VPS13B: variants seen among roughly 807,000 people sequenced by gnomAD.
VPS13B encodes intermembrane lipid transfer protein VPS13B.
In VPS13B, 285 loss-of-function variants were observed where a neutral mutation model predicts 426.4. The ratio of observed to expected loss-of-function variants is 0.67; its 90% confidence interval spans 0.61 to 0.74. VPS13B has a LOEUF of 0.74. VPS13B is among the 30% of genes least tolerant of loss of function. The pLI is 0.00. For missense variants in VPS13B, 4,537 were observed against 4,782.6 expected (o/e 0.95, Z 1.51); for synonymous variants, 1,676 against 1,676.4 (o/e 1.00, Z 0.01).
At chr8:99,308,706 G>T (rs1348264006) in intron 19 of VPS13B, among the ~76,000 whole-genome samples, 1 of 152,120 alleles carries the variant, frequency 6.6e-6, no homozygotes, top group Non-Finnish European at 1.5e-5. Flanking sequence ...GTAATGGGAT[G>T]GCTGGGTCAA....
In VPS13B at chr8:99,142,965, T is replaced by A. The variant is rs375615155; in HGVS notation, c.1652-9T>A. On this transcript the variant is annotated splice_polypyrimidine_tract_variant and intron_variant, in intron 12 of 61. Transcript: ENST00000357162. ...TGATGCTTAAAATATAAAATTTGAC[T>A]TCTTTTAGGTTCCACAAATCAACAA... The A allele has an allele frequency of 7.5e-6, 12 of 1,610,212 alleles. No individual in the cohort carries two copies. The highest frequency in any genetic ancestry group is 1.7e-4 in the Middle Eastern group (1 of 6,044).
At chr8:99,425,777 T>C (rs1035125844) in intron 21 of VPS13B, among the ~76,000 whole-genome samples, 1 of 152,174 alleles carries the variant, frequency 6.6e-6, no homozygotes, top group Non-Finnish European at 1.5e-5. Context: ...TGTTTGCAGA[T>C]GACATGATTG....
At chr8:99,359,367 G>A (rs1446941156) in intron 19 of VPS13B, among the ~76,000 whole-genome samples, 1 of 151,730 alleles carries the variant, frequency 6.6e-6, no homozygotes, top group South Asian at 2.1e-4. Flanking sequence ...TTCTAATTTG[G>A]CTTGAAAGCA....
rs184278386 is a variant in VPS13B, at chr8:99,519,234, A to G, written c.4634-1665A>G. Among the ~76,000 whole-genome samples, 50 of 152,260 alleles carry G rather than the reference A, an allele frequency of 3.3e-4. No homozygotes were observed. The South Asian group carries it at 6.6e-3, about 20-fold the overall frequency. On this transcript the variant is annotated intron_variant, in intron 29 of 61. Coordinates refer to ENST00000357162, the MANE Select transcript of VPS13B (RefSeq NM_152564.5). ...CATCACTGGCCATCAGAGAAATGCA[A>G]ATCAAAACTGCAATGAGATACCATC...
At chr8:99,102,803 C>A in intron 4 of VPS13B, 150 bp from the exon 5 acceptor site, 3 of 765,216 alleles carry the variant, frequency 3.9e-6, no homozygotes, top group Non-Finnish European at 4.2e-6. Context: ...CTTTGGCAAG[C>A]CTTTTAACCT....
At chr8:99,297,501 A>G (rs1198977562) in intron 19 of VPS13B, among the ~76,000 whole-genome samples, 1 of 150,706 alleles carries the variant, frequency 6.6e-6, no homozygotes, top group Non-Finnish European at 1.5e-5. Flanking sequence ...ATAAGACATC[A>G]TTACTTCATA....
chr8:99,324,610 A>G (rs1810144318), intron 19 of VPS13B, among the ~76,000 whole-genome samples: 1 of 152,218 alleles, frequency 6.6e-6, no homozygotes, highest in Admixed American at 6.5e-5. Flanking sequence ...GAAAAAAAGA[A>G]AAAATGTCCT....
At chr8:99,089,539 G>C (rs1006759544) in intron 3 of VPS13B, among the ~76,000 whole-genome samples, 1 of 152,066 alleles carries the variant, frequency 6.6e-6, no homozygotes, top group African/African-American at 2.4e-5. Context: ...AGGAGGAAGG[G>C]GCTTCCAAGT....
intron 17 of VPS13B, among the ~76,000 whole-genome samples, chr8:99,230,956 C>T (rs995126710): frequency 2.6e-5 from 4 of 152,188 alleles, no homozygotes; most frequent in Admixed American, 2.0e-4. Flanking sequence ...AAATGCTTAC[C>T]ATTATATCTA....
chr8:99,875,175 A>G, intron 61 of VPS13B: 1 of 564,864 alleles, frequency 1.8e-6, no homozygotes, highest in Non-Finnish European at 3.2e-6. Flanking sequence ...ATTTTATGCA[A>G]CACCAAATGC....
At chr8:99,527,775 A>G (rs975802447) in intron 30 of VPS13B, 5 of 152,170 alleles carry the variant, frequency 3.3e-5, no homozygotes, top group African/African-American at 1.2e-4. Context: ...AAACGAGATG[A>G]AAATATTTAA....
intron 3 of VPS13B, among the ~76,000 whole-genome samples, chr8:99,056,158 G>A (rs767473196): frequency 3.3e-5 from 5 of 151,972 alleles, no homozygotes; most frequent in Non-Finnish European, 5.9e-5. Flanking sequence ...CCAGGCTTAA[G>A]TGATCCTCCC....
chr8:99,172,123 C>A (rs546382306), intron 16 of VPS13B, among the ~76,000 whole-genome samples: 1 of 152,044 alleles, frequency 6.6e-6, no homozygotes, highest in Non-Finnish European at 1.5e-5. Flanking sequence ...ATAGTTAAAC[C>A]AGTTAATCAA....
chr8:99,404,426 G>A (rs1216286873), intron 21 of VPS13B, among the ~76,000 whole-genome samples: 1 of 152,160 alleles, frequency 6.6e-6, no homozygotes, highest in Non-Finnish European at 1.5e-5. Context: ...GGCTCAGCAT[G>A]AGATGCAATT....
intron 3 of VPS13B, among the ~76,000 whole-genome samples, chr8:99,077,646 G>A (rs73281629): frequency 0.017 from 2,566 of 151,872 alleles, 65 homozygotes; most frequent in African/African-American, 0.058. Flanking sequence ...CTTTTCTCTC[G>A]CTATTTTTAG....
At chr8:99,724,877 T>C (rs1833274481) in intron 39 of VPS13B, among the ~76,000 whole-genome samples, 1 of 152,312 alleles carries the variant, frequency 6.6e-6, no homozygotes, top group African/African-American at 2.4e-5. Context: ...AGACTGACCT[T>C]GAGAGCCCGG....
intron 43 of VPS13B, among the ~76,000 whole-genome samples, chr8:99,808,927 T>C (rs1306725252): frequency 1.3e-5 from 2 of 152,060 alleles, no homozygotes; most frequent in South Asian, 2.1e-4. Context: ...TATTTTGTTC[T>C]TTATCAAAAG....
At chr8:99,796,797 C>G (rs1812847497) in intron 43 of VPS13B, 1 of 152,170 alleles carries the variant, frequency 6.6e-6, no homozygotes, top group Non-Finnish European at 1.5e-5. Context: ...AGGCTGTTTG[C>G]CAGGTGTCTT....
At chr8:99,727,867 C>T (rs1833414562) in intron 39 of VPS13B, among the ~76,000 whole-genome samples, 1 of 152,200 alleles carries the variant, frequency 6.6e-6, no homozygotes, top group Admixed American at 6.5e-5. Context: ...TGGCAGCAAC[C>T]AAAGAAATGG....
Sources: gnomAD v4.1 joint callset for allele counts (sites outside exome capture counted in the v4.1 genomes callset) on GRCh38, gnomAD v4.1.1 for gene constraint, MANE v1.5 for transcripts, NCBI Gene and HGNC (gene_info 2026-07-23, HGNC 2026-07-21) for gene names.